Variants in PLCE1 observed in about 807,000 individuals in gnomAD.
PLCE1 encodes the protein phospholipase C epsilon 1.
Under a neutral mutation model 242.8 loss-of-function variants are expected in PLCE1, and 119 were observed. The observed-to-expected ratio is 0.49, with a 90% CI of 0.42 to 0.57. PLCE1 has a LOEUF of 0.57. Among genes scored for constraint, PLCE1 ranks in the 20% least tolerant of loss-of-function variants. PLCE1 has a pLI of 0.00. For synonymous variants in PLCE1, 945 were observed against 1,017.4 expected (o/e 0.93, Z 1.35); for missense variants, 2,441 against 2,788.8 (o/e 0.88, Z 2.81).
chr10:94,000,544 CT>C (rs2060912999), intron 1 of PLCE1, among the ~76,000 whole-genome samples: 1 of 152,216 alleles, frequency 6.6e-6, no homozygotes, highest in African/African-American at 2.4e-5. Flanking sequence ...GTTGTTAGAA[CT>C]GTACATGGGC....
At position 94,308,446 on chromosome 10, in the gene PLCE1, C is replaced by CGCCTGTTGGTTGCAT. The variant is rs2053277288; in HGVS notation, c.5885-126_5885-112dup. ...GGGCAGCACTCTCTTGGCGAAAAGA[C>CGCCTGTTGGTTGCAT]GCCTGTTGGTTGCATGCCTGTTGCC... is the stretch of plus-strand genomic sequence containing the variant. On this transcript the variant is annotated intron_variant, in intron 26 of 32. Transcript: ENST00000371380. 3 of 769,416 alleles carry CGCCTGTTGGTTGCAT rather than the reference C, an allele frequency of 3.9e-6. No individual in the cohort carries two copies. The Admixed American group carries it at 5.1e-5, about 13-fold the overall frequency. 47.7% of individuals were successfully genotyped at this position (769,416 alleles called of 1,614,324 possible). A position where few individuals can be genotyped will look rare whatever the true frequency, so the allele number is the denominator to read the frequency against.
intron 4 of PLCE1, among the ~76,000 whole-genome samples, chr10:94,211,813 G>T (rs1212975919): frequency 1.3e-5 from 2 of 152,152 alleles, no homozygotes; most frequent in East Asian, 1.9e-4. Flanking sequence ...AGAAGGAGGG[G>T]TGTATTTTTG....
intron 24 of PLCE1, among the ~76,000 whole-genome samples, chr10:94,303,368 G>A (rs949114716): frequency 6.6e-6 from 1 of 152,208 alleles, no homozygotes; most frequent in African/African-American, 2.4e-5. Context: ...ATTTGAGTGT[G>A]TAAGAGCCCA....
chr10:94,121,379 G>A (rs1362666308), intron 2 of PLCE1, among the ~76,000 whole-genome samples: 3 of 152,190 alleles, frequency 2.0e-5, no homozygotes, highest in African/African-American at 7.2e-5. Flanking sequence ...GAGCATAGGA[G>A]GGGCTCCATC....
Position 94,031,349 on chromosome 10 carries a change from CCTT to C in PLCE1, c.304_306del (p.Leu102del). Reference sequence around the variant, plus strand: ...AAATCATGCCAGATTCTGCGAAAAACCTTAACATTAACTGCAACAACATATTGA... The same window carrying C: ...AAATCATGCCAGATTCTGCGAAAAACAACATTAACTGCAACAACATATTGA... On this transcript the variant is annotated inframe_deletion, in exon 2 of 33. Coordinates refer to ENST00000371380, the MANE Select transcript of PLCE1 (RefSeq NM_016341.4). 2 of 1,613,874 alleles carry C rather than the reference CCTT, an allele frequency of 1.2e-6. No homozygotes were observed. Among genetic ancestry groups the C allele is most frequent in the Middle Eastern group, 1.6e-4 (1 of 6,062 alleles).
At chr10:94,177,029 A>C (rs749646850) in intron 4 of PLCE1, among the ~76,000 whole-genome samples, 1 of 152,202 alleles carries the variant, frequency 6.6e-6, no homozygotes, top group East Asian at 1.9e-4. Context: ...TTAGGGAGGC[A>C]GCTTGTTCCA....
intron 20 of PLCE1, among the ~76,000 whole-genome samples, chr10:94,282,139 A>G (rs1230698492): frequency 6.8e-6 from 1 of 148,032 alleles, no homozygotes; most frequent in African/African-American, 2.5e-5. Flanking sequence ...TAGATTAGGA[A>G]CCCATCTCTA....
intron 2 of PLCE1, among the ~76,000 whole-genome samples, chr10:94,125,545 G>A (rs951841379): frequency 6.6e-6 from 1 of 151,914 alleles, no homozygotes; most frequent in African/African-American, 2.4e-5. Context: ...GACACCTAGC[G>A]CCTTATTTTT....
intron 3 of PLCE1, among the ~76,000 whole-genome samples, chr10:94,134,845 T>C (rs1431371761): frequency 6.6e-6 from 1 of 152,240 alleles, no homozygotes; most frequent in East Asian, 1.9e-4. Context: ...ATGTGTTATC[T>C]TTAAATTGGC....
chr10:94,206,680 C>T (rs2049166628), intron 4 of PLCE1, among the ~76,000 whole-genome samples: 1 of 152,186 alleles, frequency 6.6e-6, no homozygotes, highest in Non-Finnish European at 1.5e-5. Context: ...TAAAGCCTGT[C>T]TTCTCTTGTT....
intron 8 of PLCE1, among the ~76,000 whole-genome samples, chr10:94,248,245 G>T (rs916616656): frequency 6.6e-6 from 1 of 152,164 alleles, no homozygotes; most frequent in Non-Finnish European, 1.5e-5. Context: ...ATAGGCCTAT[G>T]TACACAATTA....
chr10:94,063,406 C>T (rs2044114813), intron 2 of PLCE1, among the ~76,000 whole-genome samples: 3 of 152,164 alleles, frequency 2.0e-5, no homozygotes, highest in Non-Finnish European at 4.4e-5. Flanking sequence ...TGCCACATCT[C>T]GTTTCCACCA....
chr10:94,169,726 G>A (rs569709423), intron 3 of PLCE1, among the ~76,000 whole-genome samples: 1 of 152,322 alleles, frequency 6.6e-6, no homozygotes, highest in East Asian at 1.9e-4. Flanking sequence ...GCTGAAGTTA[G>A]ATAATAGGAA....
chr10:94,245,033 G>A (rs1219755286), intron 7 of PLCE1, among the ~76,000 whole-genome samples: 1 of 152,004 alleles, frequency 6.6e-6, no homozygotes, highest in Non-Finnish European at 1.5e-5. Context: ...AGCCTATTAA[G>A]TCCTTTTTTA....
chr10:94,285,378 A>G lies in PLCE1; in HGVS notation c.5035+413A>G, dbSNP rs1288990886. ...GAGAGGGATGAAGTAATTTGCCCCA[A>G]GTTTCAGAGTATATCAGTCAAGATT... On this transcript the variant is annotated intron_variant, in intron 22 of 32. Coordinates refer to ENST00000371380, the MANE Select transcript of PLCE1 (RefSeq NM_016341.4). 1.5e-4 allele frequency among the ~76,000 whole-genome samples: 23 copies of G among 152,194 alleles called. 1 individual carries two copies. The highest frequency in any genetic ancestry group is 1.5e-3 in the Admixed American group (23 of 15,278).
intron 2 of PLCE1, among the ~76,000 whole-genome samples, chr10:94,073,557 G>A (rs2044420703): frequency 6.6e-6 from 1 of 152,106 alleles, no homozygotes; most frequent in Non-Finnish European, 1.5e-5. Flanking sequence ...AGCATTTTAT[G>A]ATTCAATAAA....
At chr10:94,014,935 C>T (rs1399887690) in intron 1 of PLCE1, among the ~76,000 whole-genome samples, 1 of 152,206 alleles carries the variant, frequency 6.6e-6, no homozygotes, top group Non-Finnish European at 1.5e-5. Flanking sequence ...CTAGCCTCAG[C>T]CTCATGGGAA....
intron 1 of PLCE1, among the ~76,000 whole-genome samples, chr10:94,029,096 A>G (rs2134463874): frequency 6.6e-6 from 1 of 152,230 alleles, no homozygotes; most frequent in East Asian, 1.9e-4. Context: ...CTGTCTCAAA[A>G]TTATGATGAT....
chr10:94,304,109 C>A (rs1431004926), intron 24 of PLCE1, among the ~76,000 whole-genome samples: 1 of 152,200 alleles, frequency 6.6e-6, no homozygotes, highest in Non-Finnish European at 1.5e-5. Context: ...TTGGTACCTT[C>A]TCGTCCTGGA....
Sources: allele counts gnomAD v4.1 joint callset (sites outside exome capture counted in the v4.1 genomes callset), GRCh38; gene constraint gnomAD v4.1.1; transcripts MANE v1.5; gene names NCBI Gene and HGNC (gene_info 2026-07-23, HGNC 2026-07-21).